Variants in UGT1A6 observed in about 807,000 individuals in gnomAD.
The protein encoded by UGT1A6 is UDP glucuronosyltransferase family 1 member A6.
A neutral mutation model predicts 44.4 loss-of-function variants in UGT1A6; 32 were observed. That is an observed-to-expected ratio of 0.72 (90% CI 0.54 to 0.97). The LOEUF (loss-of-function observed/expected upper bound fraction) is 0.97, where lower values mean the gene tolerates loss of function less well. Among genes scored for constraint, UGT1A6 ranks in the 50% least tolerant of loss-of-function variants. The pLI is 0.00. For missense variants in UGT1A6, 685 were observed against 661.9 expected (o/e 1.03, Z -0.38); for synonymous variants, 238 against 248.5 (o/e 0.96, Z 0.40).
At chr2:233,748,253 G>T (rs1389891866) in intron 1 of UGT1A6, among the ~76,000 whole-genome samples, 3 of 151,736 alleles carry the variant, frequency 2.0e-5, no homozygotes, top group Non-Finnish European at 2.9e-5. Flanking sequence ...CGTATTTCAG[G>T]TTTTAAATGG....
intron 1 of UGT1A6, among the ~76,000 whole-genome samples, chr2:233,714,275 A>G: frequency 6.6e-6 from 1 of 152,192 alleles, no homozygotes; most frequent in East Asian, 1.9e-4. Flanking sequence ...TGTTGACGTG[A>G]CAATTTTTAG....
chr2:233,751,391 A>G (rs1477667065), intron 1 of UGT1A6, among the ~76,000 whole-genome samples: 1 of 152,112 alleles, frequency 6.6e-6, no homozygotes, highest in African/African-American at 2.4e-5. Flanking sequence ...TGTCTCAGAT[A>G]AGACTTTGGA....
chr2:233,755,411 C>T (rs1182147250), intron 1 of UGT1A6: 6 of 330,824 alleles, frequency 1.8e-5, no homozygotes, highest in African/African-American at 1.1e-4. Flanking sequence ...TTGGCCGAGG[C>T]CTGTGAGCGC....
intron 1 of UGT1A6, chr2:233,729,571 G>T (rs965988508): frequency 1.2e-6 from 2 of 1,614,100 alleles, no homozygotes; most frequent in Non-Finnish European, 1.7e-6. Flanking sequence ...CTTTGATGTG[G>T]TTTTAACAGA....
intron 1 of UGT1A6, chr2:233,729,208 A>C: frequency 6.2e-7 from 1 of 1,614,056 alleles, no homozygotes; most frequent in Non-Finnish European, 8.5e-7. Flanking sequence ...CTGGGCTGAG[A>C]GTGGAAAGGT....
intron 1 of UGT1A6, among the ~76,000 whole-genome samples, chr2:233,701,053 A>C (rs1168383936): frequency 3.3e-5 from 5 of 152,162 alleles, no homozygotes; most frequent in South Asian, 2.1e-4. Flanking sequence ...ATGAACTCAT[A>C]ATTTTTTATG....
Position 233,767,315 on chromosome 2 carries a change from T to C in UGT1A6, c.993+150T>C, listed in dbSNP as rs1407711365. 9 of 1,492,214 alleles carry C rather than the reference T, an allele frequency of 6.0e-6. No individual in the cohort carries two copies. The East Asian group carries it at 1.9e-4, about 32-fold the overall frequency. The allele number at this position is 1,492,214 out of a possible 1,614,324, so 92.4% of individuals were successfully genotyped here. A position where few individuals can be genotyped will look rare whatever the true frequency, so the allele number is the denominator to read the frequency against. The stretch of plus-strand genomic sequence containing the variant: ...ACTATTAATCCAAAGGTTTTTTTTG[T>C]TGTTGTGGTTGTTGTCATTGTTTTC... On this transcript the variant is annotated intron_variant, in intron 2 of 4. Coordinates refer to ENST00000305139, the MANE Select transcript of UGT1A6 (RefSeq NM_001072.4).
At chr2:233,758,509 A>G (rs1575759497) in intron 1 of UGT1A6, among the ~76,000 whole-genome samples, 1 of 152,232 alleles carries the variant, frequency 6.6e-6, no homozygotes, top group Non-Finnish European at 1.5e-5. Context: ...TAATAAGGAC[A>G]CAACAAAGAG....
chr2:233,718,896 G>T (rs763201473), intron 1 of UGT1A6: 1 of 1,614,046 alleles, frequency 6.2e-7, no homozygotes, highest in Non-Finnish European at 8.5e-7. Context: ...CCAGCCCTGG[G>T]CTGAGAGTGG....
chr2:233,760,912 C>A (rs72551343), intron 1 of UGT1A6: 1 of 1,614,188 alleles, frequency 6.2e-7, no homozygotes, highest in South Asian at 1.1e-5. Context: ...CTTCCTGCAG[C>A]GGGTGAAGAA....
At chr2:233,728,731 TG>T (rs1354171084) in intron 1 of UGT1A6, among the ~76,000 whole-genome samples, 1 of 152,164 alleles carries the variant, frequency 6.6e-6, no homozygotes, top group Non-Finnish European at 1.5e-5. Flanking sequence ...AGCATATGAC[TG>T]GGGGCTAGGG....
rs768211852 is a variant in UGT1A6 at position 233,729,747 on chromosome 2, C to T, written c.861+35882C>T. 3.1e-6 allele frequency: 5 copies of T among 1,614,002 alleles called. No individual in the cohort carries two copies. The South Asian group carries it at 4.4e-5, about 14-fold the overall frequency. The stretch of plus-strand genomic sequence containing the variant: ...CAACCAATTCAGACCACATGACATT[C>T]ATGCAAAGGGTCAAGAACATGCTCT... On this transcript the variant is annotated intron_variant, in intron 1 of 4. Coordinates refer to ENST00000305139, the MANE Select transcript of UGT1A6 (RefSeq NM_001072.4).
chr2:233,763,534 C>A (rs545430015), intron 1 of UGT1A6, among the ~76,000 whole-genome samples: 1 of 152,066 alleles, frequency 6.6e-6, no homozygotes, highest in Non-Finnish European at 1.5e-5. Flanking sequence ...CTCCTTTTTC[C>A]GGATTTCTAC....
intron 1 of UGT1A6, among the ~76,000 whole-genome samples, chr2:233,705,647 C>G (rs1279287310): frequency 6.6e-6 from 1 of 152,122 alleles, no homozygotes; most frequent in Non-Finnish European, 1.5e-5. Flanking sequence ...AGTTGAAGGT[C>G]TTCTCATAAA....
intron 1 of UGT1A6, chr2:233,719,176 A>G (rs538162022): frequency 1.9e-6 from 3 of 1,614,116 alleles, no homozygotes. Context: ...ATTATGAACA[A>G]TGTATCTTTG....
intron 1 of UGT1A6, chr2:233,713,807 C>G: frequency 3.1e-6 from 5 of 1,614,092 alleles, no homozygotes; most frequent in Non-Finnish European, 4.2e-6. Context: ...TCATGCCCAA[C>G]ATGGTCTTCA....
At chr2:233,740,911 C>A (rs1291553695) in intron 1 of UGT1A6, 2 of 130,742 alleles carry the variant, frequency 1.5e-5, no homozygotes, top group Non-Finnish European at 1.6e-5. Context: ...CAACATTGTT[C>A]CCATCTCCAC....
chr2:233,754,250 G>A (rs1695430755), intron 1 of UGT1A6: 1 of 169,840 alleles, frequency 5.9e-6, no homozygotes, highest in Non-Finnish European at 1.3e-5. Flanking sequence ...TTTCCCAACG[G>A]AAAAAGGTAA....
chr2:233,760,685 A>G (rs575799001), intron 1 of UGT1A6: 11 of 1,614,182 alleles, frequency 6.8e-6, no homozygotes, highest in South Asian at 1.1e-5. Flanking sequence ...TTACTGCACA[A>G]CAAGGAGCTC....
Sources: gnomAD v4.1 joint callset for allele counts (sites outside exome capture counted in the v4.1 genomes callset) on GRCh38, gnomAD v4.1.1 for gene constraint, MANE v1.5 for transcripts, NCBI Gene and HGNC (gene_info 2026-07-23, HGNC 2026-07-21) for gene names.